CDC6: variants seen among roughly 807,000 people sequenced by gnomAD.
CDC6 encodes the protein cell division cycle 6, also known as DNA replication factor CDC6.
Under a neutral mutation model 60.2 loss-of-function variants are expected in CDC6, and 46 were observed. That is an observed-to-expected ratio of 0.76 (90% CI 0.60 to 0.98). CDC6 has a LOEUF of 0.98. Ranked by LOEUF, CDC6 falls within the 50% of genes least tolerant of loss-of-function variation. The probability of loss-of-function intolerance (pLI) is 0.00; values close to 1 mark genes in which losing one functional copy is unlikely to be tolerated. For synonymous variants in CDC6, 210 were observed against 233.2 expected, an observed-to-expected ratio of 0.90 and a Z score of 0.90; for missense variants, 596 against 652.9, an observed-to-expected ratio of 0.91 and a Z score of 0.95.
chr17:40,288,956 C>T (rs2032707857), intron 1 of CDC6, among the ~76,000 whole-genome samples: 1 of 152,224 alleles, frequency 6.6e-6, no homozygotes, highest in African/African-American at 2.4e-5. Context: ...CCGCCTCAGC[C>T]TCCCAAAGTG....
chr17:40,299,997 C>G (rs2032914677), intron 9 of CDC6, among the ~76,000 whole-genome samples: 2 of 151,764 alleles, frequency 1.3e-5, no homozygotes, highest in South Asian at 4.2e-4. Context: ...GAGTTTCACT[C>G]TTGTCGTCCA....
In CDC6 at chr17:40,294,492, C is replaced by T. The variant is rs746874201; in HGVS notation, c.1072C>T (p.Arg358Ter). Residue 358 changes from arginine to a stop codon, truncating the protein, a stop_gained, in exon 7 of 12, where the codon CGA becomes TGA. Transcript: ENST00000209728. LOFTEE classifies it high-confidence loss of function. ...RNQIVTILQDRLNQVSRDQVL... is the reference protein window; with the variant it reads ...RNQIVTILQD ...TCAGATAGTCACTATTTTGCAAGATCGACTTAATCAGGTCAGTGCCAACTA... is the reference window on the plus strand; with the variant it reads ...TCAGATAGTCACTATTTTGCAAGATTGACTTAATCAGGTCAGTGCCAACTA... The T allele has an allele frequency of 8.1e-6, 13 of 1,613,984 alleles. No individual in the cohort carries two copies. Among genetic ancestry groups the T allele is most frequent in the South Asian group, 2.2e-5 (2 of 91,076 alleles).
chr17:40,296,343 G>A (rs1266007813), intron 8 of CDC6, among the ~76,000 whole-genome samples: 1 of 152,028 alleles, frequency 6.6e-6, no homozygotes, highest in Non-Finnish European at 1.5e-5. Context: ...TCCTACCCAT[G>A]ACATTTTCTC....
intron 9 of CDC6, among the ~76,000 whole-genome samples, chr17:40,300,258 C>G (rs1217418893): frequency 6.6e-6 from 1 of 152,210 alleles, no homozygotes; most frequent in Non-Finnish European, 1.5e-5. Context: ...GCCACTGCAC[C>G]TGGCCTTTTT....
chr17:40,304,644 G>A lies in CDC6; in HGVS notation c.*2643G>A, dbSNP rs2032977703. 1 of 152,254 alleles carries A rather than the reference G, an allele frequency of 6.6e-6. No individual in the cohort carries two copies. Among genetic ancestry groups the A allele is most frequent in the Non-Finnish European group, 1.5e-5 (1 of 68,058 alleles). The allele number at this position is 152,254 out of a possible 1,614,324, so 9.4% of individuals were successfully genotyped here. On this transcript the variant is annotated 3_prime_UTR_variant, in exon 12 of 12. Coordinates refer to ENST00000209728, the MANE Select transcript of CDC6 (RefSeq NM_001254.4). ...AAAGAGCATAGACAAAATAAATTGTGTGTTTCAACCCCAGAGCTGCCACAG... is the reference window on the plus strand; with the variant it reads ...AAAGAGCATAGACAAAATAAATTGTATGTTTCAACCCCAGAGCTGCCACAG...
chr17:40,291,775 T>TCAAAAAA, intron 4 of CDC6, 107 bp downstream of exon 4: 1 of 1,183,904 alleles, frequency 8.4e-7, no homozygotes. Flanking sequence ...AGACGGAGTC[T>TCAAAAAA]CGCTCTGTCG....
chr17:40,298,293 T>TG (rs1476163831), intron 9 of CDC6, among the ~76,000 whole-genome samples: 1 of 152,186 alleles, frequency 6.6e-6, no homozygotes, highest in Non-Finnish European at 1.5e-5. Flanking sequence ...GGCTTGTCAC[T>TG]GGCCCCTGTG....
At position 40,301,914 on chromosome 17, in the gene CDC6, G is replaced by A. The variant is rs745784693; in HGVS notation, c.1596G>A (p.Val532=). The A allele has an allele frequency of 1.5e-5, 24 of 1,572,632 alleles. No individual in the cohort carries two copies. The highest frequency in any genetic ancestry group is 1.9e-5 in the Non-Finnish European group (22 of 1,142,410). Residue 532 remains valine, a splice_region_variant and synonymous_variant, in exon 12 of 12, where the codon GTG becomes GTA. Coordinates refer to ENST00000209728, the MANE Select transcript of CDC6 (RefSeq NM_001254.4). ...AAATCCTTTTCTCTTCTTTCCAGGT[G>A]TTTTTCAAGATTGAAGAGAAAGAAA... ...KRNKETRLTK[V]FFKIEEKEIE...
rs1234768226 is a variant in CDC6, at chr17:40,291,135, C to G, written c.256C>G (p.Pro86Ala). 6.2e-7 allele frequency: 1 copy of G among 1,614,110 alleles called. No individual in the cohort carries two copies. The highest frequency in any genetic ancestry group is 8.5e-7 in the Non-Finnish European group (1 of 1,179,978). The change falls in exon 3 of 12, where the codon CCT becomes GCT. Residue 86 changes from proline to alanine, a missense_variant. Transcript: ENST00000209728. ...PKQGKKENGP[P>A]HSHTLKGRRL... is the part of the protein sequence containing the mutation. ...GCAAGGCAAGAAAGAGAATGGTCCC[C>G]CTCACTCACATACACTTAAGGGACG...
Position 40,293,525 on chromosome 17 carries a change from C to G in CDC6, c.730C>G (p.Pro244Ala). Residue 244 changes from proline to alanine, a missense_variant, in exon 5 of 12, where the codon CCA becomes GCA. Physicochemically the swap from Pro to Ala is conservative, Grantham distance 27. Coordinates refer to ENST00000209728, the MANE Select transcript of CDC6 (RefSeq NM_001254.4). ...MSLRTAQAVFPAIAQEICQEE... is the reference protein window; with the variant it reads ...MSLRTAQAVFAAIAQEICQEE... ...CTTGAGGACTGCCCAGGCTGTATTC[C>G]CAGCTATTGCTCAGGAGATTTGTCA... 1 of 1,613,792 alleles carries G rather than the reference C, an allele frequency of 6.2e-7. No homozygotes were observed.
At position 40,302,082 on chromosome 17, in the gene CDC6, C is replaced by T. The variant is rs927973146; in HGVS notation, c.*81C>T. The T allele has an allele frequency of 1.5e-5, 13 of 851,160 alleles. No homozygotes were observed. The highest frequency in any genetic ancestry group is 1.0e-4 in the African/African-American group (6 of 60,136). 52.7% of individuals were successfully genotyped at this position (851,160 alleles called of 1,614,324 possible). ...TCTTCATTTTAGTGCTTTACACATT[C>T]GGGCCTGAAAACAAATATGACCTTT... On this transcript the variant is annotated 3_prime_UTR_variant, in exon 12 of 12. Transcript: ENST00000209728.
chr17:40,296,848 G>C, intron 9 of CDC6, 81 bp downstream of exon 9: 1 of 956,800 alleles, frequency 1.0e-6, no homozygotes. Flanking sequence ...AAGATGAAAT[G>C]AACATAGTTA....
chr17:40,296,341 A>G lies in CDC6; in HGVS notation c.1185-362A>G, dbSNP rs190738072. On this transcript the variant is annotated intron_variant, in intron 8 of 11. Transcript: ENST00000209728. ...ACACTACATATCCTCTCTCCTACCC[A>G]TGACATTTTCTCCTCATCCAAAATG... 3.2e-3 allele frequency among the ~76,000 whole-genome samples: 485 copies of G among 152,186 alleles called. 2 individuals carry two copies. The highest frequency in any genetic ancestry group is 0.011 in the African/African-American group (459 of 41,522).
chr17:40,294,274 A>G (rs1466745011), intron 6 of CDC6, 90 bp from the exon 7 acceptor site: 13 of 1,128,550 alleles, frequency 1.2e-5, no homozygotes, highest in East Asian at 2.4e-5. Context: ...GCTAGATTCT[A>G]TAACTGGAGA....
chr17:40,289,703 CTTTTTTTT>C (rs34020648), intron 2 of CDC6, 105 bp downstream of exon 2: 7 of 333,840 alleles, frequency 2.1e-5, no homozygotes, highest in Non-Finnish European at 3.2e-5. Context: ...GTTAAGACTT[CTTTTTTTT>C]TTTTTTTTTT....
chr17:40,293,272 G>A (rs542742333), intron 4 of CDC6, among the ~76,000 whole-genome samples, 184 bp from the exon 5 acceptor site: 1 of 152,180 alleles, frequency 6.6e-6, no homozygotes, highest in Non-Finnish European at 1.5e-5. Flanking sequence ...AAAAGAAAGA[G>A]TAGAAGTTTA....
chr17:40,288,415 A>T (rs1434881681), intron 1 of CDC6, among the ~76,000 whole-genome samples: 1 of 151,586 alleles, frequency 6.6e-6, no homozygotes, highest in Non-Finnish European at 1.5e-5. Context: ...AAATCAATTC[A>T]TGTAACTTTT....
intron 1 of CDC6, 108 bp from the exon 2 acceptor site, chr17:40,289,300 A>G (rs1403013865): frequency 3.5e-5 from 32 of 909,488 alleles, no homozygotes; most frequent in Non-Finnish European, 4.8e-5. Context: ...GTGTGATAAC[A>G]TAATTAGGAA....
chr17:40,293,909 A>T, intron 5 of CDC6, 41 bp from the exon 6 acceptor site: 1 of 1,508,268 alleles, frequency 6.6e-7, no homozygotes. Flanking sequence ...TTAGAGGGTT[A>T]AGAAGGTGAA....
Sources: gnomAD v4.1 joint callset for allele counts (sites outside exome capture counted in the v4.1 genomes callset) on GRCh38, gnomAD v4.1.1 for gene constraint, MANE v1.5 for transcripts, NCBI Gene and HGNC (gene_info 2026-07-23, HGNC 2026-07-21) for gene names.